Variants in PC observed in about 807,000 individuals in gnomAD.
The protein encoded by PC is pyruvate carboxylase, also known as pyruvate carboxylase, mitochondrial.
PC carries 46 observed loss-of-function variants against 107.8 expected under a neutral mutation model. The observed-to-expected ratio is 0.43, with a 90% CI of 0.34 to 0.55. The LOEUF (loss-of-function observed/expected upper bound fraction) is 0.55. Ranked by LOEUF, PC falls within the 20% of genes least tolerant of loss-of-function variation. The probability of loss-of-function intolerance (pLI) is 0.04; values close to 1 mark genes in which losing one functional copy is unlikely to be tolerated. For synonymous variants in PC, 662 were observed against 684.7 expected (o/e 0.97, Z 0.52); for missense variants, 1,241 against 1,643.1 (o/e 0.76, Z 4.23).
At chr11:66,917,264 G>T (rs976588216) in intron 3 of PC, among the ~76,000 whole-genome samples, 1 of 152,026 alleles carries the variant, frequency 6.6e-6, no homozygotes, top group Non-Finnish European at 1.5e-5. Context: ...TAGAGACGGG[G>T]TTTCATCGTG....
chr11:66,924,651 G>C (rs1226935134), intron 3 of PC, among the ~76,000 whole-genome samples: 2 of 152,106 alleles, frequency 1.3e-5, no homozygotes, highest in African/African-American at 2.4e-5. Flanking sequence ...GCATGTGTCA[G>C]GGTTTCACCA....
chr11:66,859,692 G>A, intron 12 of PC: 1 of 1,612,788 alleles, frequency 6.2e-7, no homozygotes, highest in Non-Finnish European at 8.5e-7. Context: ...CCCCGGCGCT[G>A]ACTATGACCT....
At chr11:66,883,690 C>T (rs1947262003) in intron 3 of PC, among the ~76,000 whole-genome samples, 1 of 152,212 alleles carries the variant, frequency 6.6e-6, no homozygotes, top group Non-Finnish European at 1.5e-5. Context: ...CTCCCTGGCA[C>T]TCTGTACAGT....
Position 66,857,012 on chromosome 11 carries a change from G to A in PC, c.1369-3629C>T, listed in dbSNP as rs958542704. Reference sequence around the variant, plus strand: ...CCGGCCCGGGCCCGGGTGGATCCCCGCGCGCCCCTCCCCGTCCGCCCTCCA... The same window carrying A: ...CCGGCCCGGGCCCGGGTGGATCCCCACGCGCCCCTCCCCGTCCGCCCTCCA... On this transcript the variant is annotated intron_variant, in intron 12 of 22. Transcript: ENST00000393960. The surrounding 1 kb of genome is among the most constrained non-coding windows in gnomAD (Gnocchi z 7.1). The A allele has an allele frequency of 2.0e-5, 3 of 146,534 alleles. No individual in the cohort carries two copies. The highest frequency in any genetic ancestry group is 7.4e-5 in the African/African-American group (3 of 40,806). The allele number at this position is 146,534 out of a possible 1,614,324, so 9.1% of individuals were successfully genotyped here.
intron 12 of PC, among the ~76,000 whole-genome samples, chr11:66,862,623 G>A (rs908656226): frequency 4.6e-5 from 7 of 152,220 alleles, no homozygotes; most frequent in East Asian, 3.9e-4. Flanking sequence ...CCTGTCCTCC[G>A]GCTCTTCTTG....
rs1018574768 is a variant in PC at position 66,858,780 on chromosome 11, G to A, written c.1368+4994C>T. The A allele has an allele frequency of 8.4e-6, 13 of 1,550,146 alleles. No individual in the cohort carries two copies. The highest frequency in any genetic ancestry group is 1.4e-5 in the African/African-American group (1 of 73,266). ...GATTGGGGTGACCGGCGCTGGGGAC[G>A]CTGGGGGCTACACCTGCATCGCCAC... On this transcript the variant is annotated intron_variant, in intron 12 of 22. Transcript: ENST00000393960. The surrounding 1 kb of genome is among the most constrained non-coding windows in gnomAD (Gnocchi z 5.9).
chr11:66,956,696 C>A (rs1416018042), intron 1 of PC, among the ~76,000 whole-genome samples: 1 of 152,194 alleles, frequency 6.6e-6, no homozygotes, highest in African/African-American at 2.4e-5. Flanking sequence ...AAAAGAGGTC[C>A]ACAACTCACC....
chr11:66,926,702 C>T (rs1344109622), intron 3 of PC, among the ~76,000 whole-genome samples: 1 of 152,172 alleles, frequency 6.6e-6, no homozygotes, highest in Non-Finnish European at 1.5e-5. Flanking sequence ...CCTGGTACCA[C>T]TAGCTGTCAT....
At chr11:66,860,029 A>G in intron 12 of PC, 16 of 1,583,580 alleles carry the variant, frequency 1.0e-5, no homozygotes, top group Non-Finnish European at 1.4e-5. Context: ...CCCCGGCCGC[A>G]GCGCAGCTGC....
chr11:66,955,361 G>A (rs1181567532), intron 1 of PC, among the ~76,000 whole-genome samples: 4 of 152,108 alleles, frequency 2.6e-5, no homozygotes, highest in African/African-American at 7.2e-5. Flanking sequence ...AAGTGAGACC[G>A]GGTGAAAGCA....
intron 12 of PC, chr11:66,859,047 T>C (rs1490035009): frequency 6.7e-7 from 1 of 1,503,534 alleles, no homozygotes; most frequent in South Asian, 1.4e-5. Flanking sequence ...AGTGTGGATG[T>C]TCCAAATCCA....
chr11:66,888,464 G>C (rs80299808), intron 3 of PC, among the ~76,000 whole-genome samples: 3,638 of 152,296 alleles, frequency 0.024, 141 homozygotes, highest in East Asian at 0.084. Context: ...GAATAAGGAA[G>C]ACAAGGGATC....
chr11:66,906,281 T>C (rs1042420548), intron 3 of PC, among the ~76,000 whole-genome samples: 5 of 152,172 alleles, frequency 3.3e-5, no homozygotes, highest in African/African-American at 4.8e-5. Context: ...AGAGAGAAAG[T>C]TGTGCAGGAG....
chr11:66,906,858 G>A lies in PC; in HGVS notation c.1-34699C>T, dbSNP rs150796960. On this transcript the variant is annotated intron_variant, in intron 3 of 22. Coordinates refer to ENST00000393960, the MANE Select transcript of PC (RefSeq NM_001040716.2). ...TCTGAGCAGTGAGTCCTACTCAAACGCCAGAGGTCTGGTCTCCCAAAATAC... is the reference window on the plus strand; with the variant it reads ...TCTGAGCAGTGAGTCCTACTCAAACACCAGAGGTCTGGTCTCCCAAAATAC... Among the ~76,000 whole-genome samples, 3 of 152,294 alleles carry A rather than the reference G, an allele frequency of 2.0e-5. No individual in the cohort carries two copies. The East Asian group carries it at 5.8e-4, about 29-fold the overall frequency.
At chr11:66,943,970 CAA>C (rs145566931) in intron 3 of PC, among the ~76,000 whole-genome samples, 42 of 100,646 alleles carry the variant, frequency 4.2e-4, no homozygotes, top group Admixed American at 5.7e-4. Context: ...GAAACTGTCT[CAA>C]AAAAAAAAAA....
chr11:66,885,226 C>G (rs533033573), intron 3 of PC, among the ~76,000 whole-genome samples: 1 of 152,152 alleles, frequency 6.6e-6, no homozygotes, highest in South Asian at 2.1e-4. Flanking sequence ...CGATGGCTCA[C>G]GCCTGTAATC....
intron 3 of PC, among the ~76,000 whole-genome samples, chr11:66,892,394 G>C (rs566178438): frequency 6.6e-6 from 1 of 152,286 alleles, no homozygotes; most frequent in Admixed American, 6.5e-5. Flanking sequence ...CAGGCATCAC[G>C]TTCCAGAACG....
intron 2 of PC, among the ~76,000 whole-genome samples, chr11:66,953,993 T>C (rs1949497248): frequency 6.6e-6 from 1 of 152,058 alleles, no homozygotes; most frequent in Non-Finnish European, 1.5e-5. Flanking sequence ...TAGTTGACTT[T>C]TATTATTAAT....
chr11:66,922,463 A>G (rs1259277539), intron 3 of PC, among the ~76,000 whole-genome samples: 1 of 150,776 alleles, frequency 6.6e-6, no homozygotes, highest in Non-Finnish European at 1.5e-5. Context: ...AATCCCAGCT[A>G]CTTGGAAGGC....
Sources: allele counts gnomAD v4.1 joint callset (sites outside exome capture counted in the v4.1 genomes callset), GRCh38; gene constraint gnomAD v4.1.1; non-coding constraint Gnocchi (gnomAD v3.1); transcripts MANE v1.5; gene names NCBI Gene and HGNC (gene_info 2026-07-23, HGNC 2026-07-21).